PRDM2: variants seen among roughly 807,000 people sequenced by gnomAD.
PRDM2 encodes PR/SET domain 2.
A neutral mutation model predicts 130.0 loss-of-function variants in PRDM2; 30 were observed. That is an observed-to-expected ratio of 0.23 (90% CI 0.17 to 0.31). The LOEUF is 0.31. Ranked by LOEUF, PRDM2 falls within the 10% of genes least tolerant of loss-of-function variation. The pLI, the probability that PRDM2 is intolerant of heterozygous loss-of-function variation, is 1.00. For missense variants in PRDM2, 2,011 were observed against 2,108.4 expected (o/e 0.95, Z 0.90); for synonymous variants, 871 against 782.4 (o/e 1.11, Z -1.89).
intron 2 of PRDM2, among the ~76,000 whole-genome samples, chr1:13,721,756 C>T (rs1482758233): frequency 6.6e-6 from 1 of 152,134 alleles, no homozygotes; most frequent in Non-Finnish European, 1.5e-5. Flanking sequence ...GATAGTAACA[C>T]TTCGGCAGAG....
At chr1:13,730,909 G>T in intron 2 of PRDM2, 91 bp from the exon 3 acceptor site, 2 of 907,364 alleles carry the variant, frequency 2.2e-6, no homozygotes, top group East Asian at 2.5e-5. Flanking sequence ...TTACATTTTT[G>T]CATACTTGCT....
At chr1:13,782,891 G>A (rs1035821261) in intron 8 of PRDM2, 60 bp downstream of exon 8, 8 of 1,594,888 alleles carry the variant, frequency 5.0e-6, no homozygotes, top group Non-Finnish European at 5.9e-6. Flanking sequence ...CTTGCCTACG[G>A]GTGTTTTTTG....
Position 13,780,711 on chromosome 1 carries a change from C to G in PRDM2, c.2916C>G (p.Ser972=), listed in dbSNP as rs1644590059. Residue 972 remains serine, a synonymous_variant, in exon 8 of 10, where the codon TCC becomes TCG. Coordinates refer to ENST00000311066, the MANE Select transcript of PRDM2 (RefSeq NM_001393986.1). ...TCTTGATCCCCACAGATCCCTCTTCCCCTCCACCCTGTCCCCCGGTATTAA... is the reference window on the plus strand; with the variant it reads ...TCTTGATCCCCACAGATCCCTCTTCGCCTCCACCCTGTCCCCCGGTATTAA... ...PPLLIPTDPS[S]PPPCPPVLTV... 1 of 1,601,622 alleles carries G rather than the reference C, an allele frequency of 6.2e-7. No individual in the cohort carries two copies. The highest frequency in any genetic ancestry group is 1.3e-5 in the African/African-American group (1 of 74,564).
chr1:13,711,660 G>T (rs1478837262), intron 1 of PRDM2, among the ~76,000 whole-genome samples: 1 of 152,128 alleles, frequency 6.6e-6, no homozygotes, highest in African/African-American at 2.4e-5. Flanking sequence ...GTTGAATAAA[G>T]AATTAAGTTT....
In PRDM2 at chr1:13,782,100, G is replaced by C. The variant is rs201393586; in HGVS notation, c.4305G>C (p.Gln1435His). 13 of 1,613,874 alleles carry C rather than the reference G, an allele frequency of 8.1e-6. No individual in the cohort carries two copies. Among genetic ancestry groups the C allele is most frequent in the Non-Finnish European group, 1.0e-5 (12 of 1,180,032 alleles). Residue 1435 changes from glutamine to histidine, a missense_variant, in exon 8 of 10, where the codon CAG becomes CAC. This residue lies in a region of PRDM2 where 410 missense variants were observed against 395.9 expected (regional missense o/e 1.04). Coordinates refer to ENST00000311066, the MANE Select transcript of PRDM2 (RefSeq NM_001393986.1). ...KNQLVQKAIL[Q>H]KNKSAKQKAD... The stretch of plus-strand genomic sequence containing the variant: ...AGCTAGTACAGAAAGCAATTCTTCA[G>C]AAAAACAAATCTGCAAAGCAGAAGG...
intron 9 of PRDM2, among the ~76,000 whole-genome samples, chr1:13,821,547 C>CT (rs1259052749): frequency 6.6e-6 from 1 of 152,022 alleles, no homozygotes; most frequent in Admixed American, 6.6e-5. Flanking sequence ...GCTGCAACCT[C>CT]TGTCTCCCAG....
intron 2 of PRDM2, among the ~76,000 whole-genome samples, chr1:13,719,287 AACAC>A (rs1642648108): frequency 6.6e-6 from 1 of 152,220 alleles, no homozygotes; most frequent in Non-Finnish European, 1.5e-5. Flanking sequence ...AGGCAGAGTG[AACAC>A]ACAGTAGTAC....
At chr1:13,792,714 T>C (rs1464113112) in intron 8 of PRDM2, among the ~76,000 whole-genome samples, 1 of 152,152 alleles carries the variant, frequency 6.6e-6, no homozygotes, top group Admixed American at 6.5e-5. Context: ...CCTGGGACTC[T>C]TAGAGGACCC....
chr1:13,818,122 A>C (rs1383212315), intron 9 of PRDM2, among the ~76,000 whole-genome samples: 2 of 152,210 alleles, frequency 1.3e-5, no homozygotes, highest in Non-Finnish European at 1.5e-5. Context: ...GCACAGGCCC[A>C]TCCTGGTGGG....
At chr1:13,808,381 G>A (rs1232147980) in intron 8 of PRDM2, among the ~76,000 whole-genome samples, 4 of 150,776 alleles carry the variant, frequency 2.7e-5, no homozygotes, top group African/African-American at 9.8e-5. Flanking sequence ...GGAGAATGGC[G>A]TGAACACGGG....
intron 8 of PRDM2, among the ~76,000 whole-genome samples, chr1:13,810,051 CA>C (rs1375970366): frequency 3.3e-5 from 5 of 151,948 alleles, no homozygotes; most frequent in African/African-American, 1.2e-4. Flanking sequence ...CTCATGACCT[CA>C]TTAAACCCAG....
intron 8 of PRDM2, among the ~76,000 whole-genome samples, chr1:13,796,435 T>G (rs1015667690): frequency 1.3e-5 from 2 of 152,214 alleles, no homozygotes; most frequent in African/African-American, 4.8e-5. Context: ...GAACATGGAT[T>G]TGTGGACATG....
At chr1:13,707,531 G>GT (rs1186327778) in intron 1 of PRDM2, among the ~76,000 whole-genome samples, 1 of 152,174 alleles carries the variant, frequency 6.6e-6, no homozygotes, top group Non-Finnish European at 1.5e-5. Flanking sequence ...ATAAGTTAAA[G>GT]TTTTTATACA....
chr1:13,760,027 A>G (rs1411511721), intron 6 of PRDM2, among the ~76,000 whole-genome samples: 1 of 152,140 alleles, frequency 6.6e-6, no homozygotes, highest in Non-Finnish European at 1.5e-5. Context: ...GATAAGATCA[A>G]ATTTGAGTGG....
At chr1:13,711,480 A>G (rs916417895) in intron 1 of PRDM2, among the ~76,000 whole-genome samples, 2 of 152,212 alleles carry the variant, frequency 1.3e-5, no homozygotes, top group Non-Finnish European at 2.9e-5. Flanking sequence ...GATTGTCAAA[A>G]TGATTGGAGG....
chr1:13,743,508 A>G (rs1265474175), intron 5 of PRDM2, among the ~76,000 whole-genome samples: 2 of 152,174 alleles, frequency 1.3e-5, no homozygotes, highest in Middle Eastern at 6.8e-3. Flanking sequence ...GCTTTTTGCA[A>G]TAGATAGCAA....
intron 8 of PRDM2, among the ~76,000 whole-genome samples, chr1:13,783,725 T>C (rs1420461992): frequency 1.3e-5 from 2 of 152,224 alleles, no homozygotes; most frequent in African/African-American, 2.4e-5. Flanking sequence ...TGGATGTGTA[T>C]TGGAATTCCT....
chr1:13,765,429 G>A (rs1028434660), intron 6 of PRDM2, among the ~76,000 whole-genome samples: 2 of 151,794 alleles, frequency 1.3e-5, no homozygotes, highest in Non-Finnish European at 2.9e-5. Context: ...AATTCCAGTC[G>A]ACCTTCACCA....
At chr1:13,816,134 C>T (rs1323833668) in intron 8 of PRDM2, among the ~76,000 whole-genome samples, 7 of 152,204 alleles carry the variant, frequency 4.6e-5, no homozygotes, top group East Asian at 1.9e-4. Context: ...CCAGACGGCA[C>T]TGCCCATCAT....
Sources: allele counts gnomAD v4.1 joint callset (sites outside exome capture counted in the v4.1 genomes callset), GRCh38; gene constraint gnomAD v4.1.1; regional missense constraint gnomAD v4.1.1; transcripts MANE v1.5; gene names NCBI Gene and HGNC (gene_info 2026-07-23, HGNC 2026-07-21).